The following NLRP1 variants were observed in gnomAD, a reference collection of about 807,000 sequenced individuals.
The protein encoded by NLRP1 is NLR family pyrin domain containing 1.
A neutral mutation model predicts 136.7 loss-of-function variants in NLRP1; 94 were observed. That is an observed-to-expected ratio of 0.69 (90% CI 0.58 to 0.82). NLRP1 has a LOEUF of 0.82. NLRP1 is among the 40% of genes least tolerant of loss of function. The pLI is 0.00. For missense variants in NLRP1, 1,575 were observed against 1,802.7 expected (o/e 0.87, Z 2.29); for synonymous variants, 690 against 725.1 (o/e 0.95, Z 0.78).
chr17:5,525,976 T>C (rs62072730), intron 12 of NLRP1, among the ~76,000 whole-genome samples: 2 of 95,984 alleles, frequency 2.1e-5, no homozygotes, highest in Non-Finnish European at 3.8e-5. Flanking sequence ...AAAAAGCTAC[T>C]AAATTTTTTT....
chr17:5,583,992 G>A lies in NLRP1; in HGVS notation c.-35C>T, dbSNP rs374783085. On this transcript the variant is annotated 5_prime_UTR_variant, in exon 1 of 17. Coordinates refer to ENST00000572272, the MANE Select transcript of NLRP1 (RefSeq NM_033004.4). The surrounding 1 kb of genome is among the most constrained non-coding windows in gnomAD (Gnocchi z 4.5). The stretch of plus-strand genomic sequence containing the variant: ...GGAGTTAAGAGGGTGTCTGGGGGAT[G>A]TTCCCAGGTGGTGAGGGTATCAGGC... 10 of 1,590,720 alleles carry A rather than the reference G, an allele frequency of 6.3e-6. No homozygotes were observed. The African/African-American group carries it at 1.3e-4, about 21-fold the overall frequency.
In NLRP1 at chr17:5,515,491, T is replaced by C. The variant is rs548653334; in HGVS notation, c.4084A>G (p.Ile1362Val). Reference sequence around the variant, plus strand: ...TACTGACCTATGCGGGCTGGAGGGATCAGAGTAGTTGCAGGCATGAGATCT... The same window carrying C: ...TACTGACCTATGCGGGCTGGAGGGACCAGAGTAGTTGCAGGCATGAGATCT... ...PGDLMPATTL[I>V]PPARIAVPSP... Residue 1362 changes from isoleucine to valine, a missense_variant, in exon 16 of 17, where the codon ATC (isoleucine) becomes GTC (valine). By Grantham distance (29) the Ile-to-Val change is conservative. Transcript: ENST00000572272. 3 of 1,613,734 alleles carry C rather than the reference T, an allele frequency of 1.9e-6. No homozygotes were observed. In the East Asian group the frequency reaches 6.7e-5, roughly 36 times the overall value.
chr17:5,560,088 A>G lies in NLRP1; in HGVS notation c.653-45T>C, dbSNP rs559313681. 30 of 1,459,806 alleles carry G rather than the reference A, an allele frequency of 2.1e-5. No individual in the cohort carries two copies. In the African/African-American group the frequency reaches 4.3e-4, roughly 21 times the overall value. The allele number at this position is 1,459,806 out of a possible 1,614,324, so 90.4% of individuals were successfully genotyped here. On this transcript the variant is annotated intron_variant, in intron 3 of 16. Transcript: ENST00000572272. The stretch of plus-strand genomic sequence containing the variant: ...AAGGAACATAAAGGTAGAGAATAGA[A>G]GAATTAATTAATTAATTAAACAACT...
exon 16 of NLRP1, chr17:5,501,838 G>C (rs2151725099): frequency 1.2e-6 from 2 of 1,613,918 alleles, no homozygotes; most frequent in East Asian, 4.5e-5. Flanking sequence ...CGTCTCTGTT[G>C]CACCTGAGGT....
chr17:5,534,381 A>C (rs1317040417), intron 8 of NLRP1, among the ~76,000 whole-genome samples: 1 of 152,046 alleles, frequency 6.6e-6, no homozygotes, highest in East Asian at 1.9e-4. Context: ...ACAAAACAAA[A>C]CAAACAAAAA....
intron 3 of NLRP1, among the ~76,000 whole-genome samples, chr17:5,578,708 C>T (rs1285987993): frequency 6.6e-6 from 1 of 152,200 alleles, no homozygotes. Flanking sequence ...TGTGGCAATT[C>T]CTCAAGGATC....
In NLRP1 at chr17:5,541,798, C is replaced by A; in HGVS notation, c.2699+59G>T. The A allele has an allele frequency of 1.3e-6, 2 of 1,562,010 alleles. No individual in the cohort carries two copies. Among genetic ancestry groups the A allele is most frequent in the South Asian group, 2.2e-5 (2 of 89,746 alleles). The stretch of plus-strand genomic sequence containing the variant: ...ACCTTCTCTCTGCTCTTACCCTCTG[C>A]CTGCCTCATGGTGGCAGGCAGTTCC... On this transcript the variant is annotated intron_variant, in intron 6 of 16. Coordinates refer to ENST00000572272, the MANE Select transcript of NLRP1 (RefSeq NM_033004.4). This position sits in a 1 kb window ranked among gnomAD's most constrained non-coding sequence, Gnocchi z 4.2.
intron 15 of NLRP1, among the ~76,000 whole-genome samples, chr17:5,516,778 A>T (rs1328944675): frequency 1.3e-5 from 2 of 152,164 alleles, no homozygotes; most frequent in Admixed American, 6.5e-5. Flanking sequence ...TTAGTTCTCC[A>T]TCTGTGGTTG....
intron 7 of NLRP1, among the ~76,000 whole-genome samples, chr17:5,539,176 T>C (rs572027686): frequency 5.9e-5 from 9 of 152,326 alleles, no homozygotes; most frequent in Non-Finnish European, 1.3e-4. Flanking sequence ...CTGCCTGTCC[T>C]TGTTTTTATA....
chr17:5,556,378 C>T (rs561281122), intron 4 of NLRP1, among the ~76,000 whole-genome samples: 10 of 150,926 alleles, frequency 6.6e-5, no homozygotes, highest in African/African-American at 1.9e-4. Context: ...CCCTTAAACT[C>T]GGGTGGTCCA....
intron 3 of NLRP1, among the ~76,000 whole-genome samples, chr17:5,577,582 A>G (rs1446476660): frequency 1.3e-5 from 2 of 152,236 alleles, no homozygotes; most frequent in African/African-American, 4.8e-5. Flanking sequence ...AAGGAGAACT[A>G]CAAACCACTG....
In NLRP1 at chr17:5,582,821, G is replaced by C. The variant is rs765564675; in HGVS notation, c.297C>G (p.Ser99Arg). 1 of 1,612,724 alleles carries C rather than the reference G, an allele frequency of 6.2e-7. No homozygotes were observed. Among genetic ancestry groups the C allele is most frequent in the East Asian group, 2.2e-5 (1 of 44,864 alleles). ...GAGACCCCAGGTGGGGTTCACTTGG[G>C]CTGTAGGGGAATGAGGGAGAGTGGC... ...GAGHSPSFPYSPSEPHLGSPS... is the reference protein window; with the variant it reads ...GAGHSPSFPYRPSEPHLGSPS... Residue 99 changes from serine (S) to arginine (R), a missense_variant, in exon 2 of 17, where the codon AGC becomes AGG. Coordinates refer to ENST00000572272, the MANE Select transcript of NLRP1 (RefSeq NM_033004.4).
chr17:5,540,387 G>A (rs1361295840), intron 6 of NLRP1, among the ~76,000 whole-genome samples: 2 of 152,158 alleles, frequency 1.3e-5, no homozygotes, highest in Non-Finnish European at 2.9e-5. Flanking sequence ...TCTCTCTGGG[G>A]GTTCTCCTGT....
intron 11 of NLRP1, among the ~76,000 whole-genome samples, chr17:5,531,616 G>A (rs1429028512): frequency 6.6e-6 from 1 of 152,206 alleles, no homozygotes; most frequent in Non-Finnish European, 1.5e-5. Context: ...TGGGTTAATA[G>A]TGGGTCCCGG....
At chr17:5,535,176 T>G (rs1910879471) in intron 8 of NLRP1, among the ~76,000 whole-genome samples, 1 of 151,616 alleles carries the variant, frequency 6.6e-6, no homozygotes, top group African/African-American at 2.4e-5. Flanking sequence ...GCCGAGATCA[T>G]GCCATTGCAC....
chr17:5,544,699 T>A (rs1265486765), intron 5 of NLRP1, among the ~76,000 whole-genome samples: 1 of 152,226 alleles, frequency 6.6e-6, no homozygotes, highest in Non-Finnish European at 1.5e-5. Flanking sequence ...GTAGTACCTT[T>A]AACAGCACTT....
At chr17:5,554,014 C>A (rs1386169605) in intron 4 of NLRP1, among the ~76,000 whole-genome samples, 1 of 152,144 alleles carries the variant, frequency 6.6e-6, no homozygotes, top group Non-Finnish European at 1.5e-5. Flanking sequence ...CACCTGTGTT[C>A]CTTTGGCACA....
At chr17:5,520,359 A>C (rs539397715) in intron 14 of NLRP1, among the ~76,000 whole-genome samples, 2 of 152,266 alleles carry the variant, frequency 1.3e-5, no homozygotes, top group African/African-American at 4.8e-5. Context: ...ATGCCTCTGC[A>C]CACATTCCTT....
intron 12 of NLRP1, among the ~76,000 whole-genome samples, chr17:5,527,596 T>C: frequency 6.6e-6 from 1 of 152,216 alleles, no homozygotes; most frequent in South Asian, 2.1e-4. Flanking sequence ...AAGGGAAAAC[T>C]GTAGTGCCTA....
Sources: gnomAD v4.1 joint callset for allele counts (sites outside exome capture counted in the v4.1 genomes callset) on GRCh38, gnomAD v4.1.1 for gene constraint, Gnocchi (gnomAD v3.1) non-coding constraint, MANE v1.5 for transcripts, NCBI Gene and HGNC (gene_info 2026-07-23, HGNC 2026-07-21) for gene names.